Variants in SCG5 observed in about 807,000 individuals in gnomAD.
The protein encoded by SCG5 is neuroendocrine protein 7B2.
SCG5 carries 18 observed loss-of-function variants against 25.7 expected under a neutral mutation model. The observed-to-expected ratio is 0.70, with a 90% CI of 0.48 to 1.04. The LOEUF is 1.04. Among genes scored for constraint, SCG5 ranks in the 50% least tolerant of loss-of-function variants. The pLI, the probability that SCG5 is intolerant of heterozygous loss-of-function variation, is 0.00. For synonymous variants in SCG5, 101 were observed against 91.7 expected, an observed-to-expected ratio of 1.10 and a Z score of -0.58; for missense variants, 206 against 259.8, an observed-to-expected ratio of 0.79 and a Z score of 1.42.
chr15:32,663,066 T>C, intron 2 of SCG5, among the ~76,000 whole-genome samples: 1 of 50,860 alleles, frequency 2.0e-5, no homozygotes, highest in East Asian at 5.4e-4. Context: ...TATATATATA[T>C]ATATATATAT....
intron 4 of SCG5, among the ~76,000 whole-genome samples, chr15:32,686,115 C>T (rs2054704068): frequency 6.6e-6 from 1 of 152,204 alleles, no homozygotes; most frequent in East Asian, 1.9e-4. Context: ...GTTAATTTTG[C>T]TTCTTCCAAT....
intron 2 of SCG5, chr15:32,666,409 C>T (rs941077667): frequency 1.3e-5 from 2 of 152,208 alleles, no homozygotes; most frequent in Non-Finnish European, 2.9e-5. Flanking sequence ...TCGTGACTAT[C>T]CAGTTTTCCA....
In SCG5 at chr15:32,661,168, T is replaced by C. The variant is rs1032039331; in HGVS notation, c.226+17350T>C. On this transcript the variant is annotated intron_variant, in intron 2 of 5. Transcript: ENST00000300175. ...AGAGCAGGTGAGCAACATGCCAAGATGGAACAGAAGGGGCATAGAACCTGG... is the reference window on the plus strand; with the variant it reads ...AGAGCAGGTGAGCAACATGCCAAGACGGAACAGAAGGGGCATAGAACCTGG... Among the ~76,000 whole-genome samples, 3 of 152,208 alleles carry C rather than the reference T, an allele frequency of 2.0e-5. No individual in the cohort carries two copies. The East Asian group carries it at 5.8e-4, about 29-fold the overall frequency.
At chr15:32,661,881 A>G (rs1379296409) in intron 2 of SCG5, among the ~76,000 whole-genome samples, 1 of 152,166 alleles carries the variant, frequency 6.6e-6, no homozygotes, top group East Asian at 1.9e-4. Flanking sequence ...CGTACCACCT[A>G]GAGATACCCA....
intron 2 of SCG5, among the ~76,000 whole-genome samples, chr15:32,669,411 AC>A (rs2054378551): frequency 6.6e-6 from 1 of 152,102 alleles, no homozygotes; most frequent in South Asian, 2.1e-4. Flanking sequence ...AATCCCAACC[AC>A]CACCACCACA....
chr15:32,648,368 T>C (rs1368785281), intron 2 of SCG5, among the ~76,000 whole-genome samples: 1 of 151,658 alleles, frequency 6.6e-6, no homozygotes, highest in African/African-American at 2.4e-5. Flanking sequence ...CCTGCTTCTA[T>C]TCTTGATCCC....
intron 5 of SCG5, among the ~76,000 whole-genome samples, chr15:32,693,179 A>G (rs944437077): frequency 9.9e-5 from 15 of 152,118 alleles, no homozygotes; most frequent in African/African-American, 3.4e-4. Flanking sequence ...AAAATCAATA[A>G]CTTAGCTTGA....
At chr15:32,654,873 T>C (rs1595793144) in intron 2 of SCG5, among the ~76,000 whole-genome samples, 1 of 152,210 alleles carries the variant, frequency 6.6e-6, no homozygotes, top group African/African-American at 2.4e-5. Context: ...CAAGTGGGAC[T>C]CGTGTTATTC....
At chr15:32,651,070 G>A (rs1253166817) in intron 2 of SCG5, among the ~76,000 whole-genome samples, 3 of 152,066 alleles carry the variant, frequency 2.0e-5, no homozygotes, top group Admixed American at 6.6e-5. Context: ...ATGGTGGCAC[G>A]TGCCTGTAAT....
intron 2 of SCG5, among the ~76,000 whole-genome samples, chr15:32,649,602 AGCTTT>A (rs2054001124): frequency 6.6e-6 from 1 of 152,130 alleles, no homozygotes; most frequent in African/African-American, 2.4e-5. Flanking sequence ...GGTCGTTAAT[AGCTTT>A]AAGTGGTCGC....
At chr15:32,656,274 G>A (rs2054115573) in intron 2 of SCG5, 2 of 152,142 alleles carry the variant, frequency 1.3e-5, no homozygotes, top group Non-Finnish European at 2.9e-5. Context: ...CTTGTTTCAC[G>A]TCATCTGGAA....
At chr15:32,659,265 G>A (rs1342969683) in intron 2 of SCG5, among the ~76,000 whole-genome samples, 1 of 152,172 alleles carries the variant, frequency 6.6e-6, no homozygotes, top group Non-Finnish European at 1.5e-5. Flanking sequence ...AGCATGTGCC[G>A]GATCATCTGT....
At chr15:32,651,606 T>C (rs1175272704) in intron 2 of SCG5, among the ~76,000 whole-genome samples, 1 of 152,198 alleles carries the variant, frequency 6.6e-6, no homozygotes, top group African/African-American at 2.4e-5. Flanking sequence ...AATGAGAACA[T>C]TGGGCTTGTA....
chr15:32,653,678 T>A (rs1038219513), intron 2 of SCG5, among the ~76,000 whole-genome samples: 8 of 152,240 alleles, frequency 5.3e-5, no homozygotes, highest in Non-Finnish European at 1.2e-4. Flanking sequence ...GAGGCCGAAT[T>A]ATTTCCTTTT....
intron 2 of SCG5, among the ~76,000 whole-genome samples, chr15:32,660,982 A>G (rs2054207103): frequency 6.6e-6 from 1 of 152,284 alleles, no homozygotes. Context: ...AAAGTTTGCT[A>G]TAACTCACAA....
rs1595784167 is a variant in SCG5, at chr15:32,641,797, T to G, written c.-8+19T>G. On this transcript the variant is annotated intron_variant, in intron 1 of 5. Transcript: ENST00000300175. ...CCCCTCGGTGAGTACAGTTTTGATG[T>G]CGGCTCGGCCGCCTGCCGCCAACCC... 6.6e-6 allele frequency: 1 copy of G among 152,216 alleles called. No homozygotes were observed. The highest frequency in any genetic ancestry group is 1.9e-4 in the East Asian group (1 of 5,180). 9.4% of individuals were successfully genotyped at this position (152,216 alleles called of 1,614,324 possible). A position where few individuals can be genotyped will look rare whatever the true frequency, so the allele number is the denominator to read the frequency against.
intron 4 of SCG5, among the ~76,000 whole-genome samples, chr15:32,687,709 C>T (rs979823082): frequency 6.6e-6 from 1 of 152,182 alleles, no homozygotes; most frequent in African/African-American, 2.4e-5. Flanking sequence ...TTGACAGTAG[C>T]TGGAGCTGAG....
chr15:32,655,880 C>T (rs2054109341), intron 2 of SCG5, among the ~76,000 whole-genome samples: 1 of 152,216 alleles, frequency 6.6e-6, no homozygotes, highest in Non-Finnish European at 1.5e-5. Context: ...TTGCATATCA[C>T]TTGGTCTAAA....
chr15:32,695,817 C>CT (rs2054948089), intron 5 of SCG5, among the ~76,000 whole-genome samples: 1 of 152,074 alleles, frequency 6.6e-6, no homozygotes. Context: ...TAAATAGGGC[C>CT]ATAGAATAAT....
Sources: gnomAD v4.1 joint callset for allele counts (sites outside exome capture counted in the v4.1 genomes callset) on GRCh38, gnomAD v4.1.1 for gene constraint, MANE v1.5 for transcripts, NCBI Gene and HGNC (gene_info 2026-07-23, HGNC 2026-07-21) for gene names.